DCBLD2: variants seen among roughly 807,000 people sequenced by gnomAD.
The protein encoded by DCBLD2 is discoidin, CUB and LCCL domain containing 2, also known as discoidin, CUB and LCCL domain-containing protein 2.
A neutral mutation model predicts 86.8 loss-of-function variants in DCBLD2; 54 were observed. The ratio of observed to expected loss-of-function variants is 0.62; its 90% CI spans 0.50 to 0.78. The LOEUF (loss-of-function observed/expected upper bound fraction) is 0.78. Among genes scored for constraint, DCBLD2 ranks in the 30% least tolerant of loss-of-function variants. DCBLD2 has a pLI of 0.00. For missense variants in DCBLD2, 908 were observed against 954.2 expected (o/e 0.95, Z 0.64); for synonymous variants, 354 against 341.3 (o/e 1.04, Z -0.41).
At chr3:98,854,502 T>C (rs947661778) in intron 2 of DCBLD2, among the ~76,000 whole-genome samples, 1 of 152,190 alleles carries the variant, frequency 6.6e-6, no homozygotes, top group South Asian at 2.1e-4. Context: ...AAGATAATGA[T>C]AGGAAGGTAT....
chr3:98,797,710 C>G lies in DCBLD2; in HGVS notation c.*1662G>C, dbSNP rs1216447544. 6.6e-6 allele frequency: 1 copy of G among 152,146 alleles called. No individual in the cohort carries two copies. Among genetic ancestry groups the G allele is most frequent in the Non-Finnish European group, 1.5e-5 (1 of 68,016 alleles). The allele number at this position is 152,146 out of a possible 1,614,324, so 9.4% of individuals were successfully genotyped here. On this transcript the variant is annotated 3_prime_UTR_variant, in exon 16 of 16. Transcript: ENST00000326840. ...ATACCACAAAAGGACAGGAAGCCTG[C>G]AGAAATAAACAGTTCTCTTTCTGAA...
intron 3 of DCBLD2, among the ~76,000 whole-genome samples, chr3:98,833,639 G>A (rs1225407281): frequency 1.3e-5 from 2 of 152,204 alleles, no homozygotes; most frequent in Admixed American, 6.5e-5. Flanking sequence ...TGGAGTCCCA[G>A]GTCAGGCAGC....
intron 14 of DCBLD2, 70 bp downstream of exon 14, chr3:98,801,530 T>A: frequency 2.3e-6 from 3 of 1,276,830 alleles, no homozygotes; most frequent in Non-Finnish European, 3.3e-6. Flanking sequence ...GACTCTTTTT[T>A]CACTACTGCC....
intron 1 of DCBLD2, chr3:98,890,322 G>A (rs1182704786): frequency 1.3e-5 from 2 of 152,006 alleles, no homozygotes; most frequent in East Asian, 1.9e-4. Flanking sequence ...AGACTGGAGT[G>A]ATATATTAAA....
At chr3:98,838,907 G>A (rs1202517929) in intron 3 of DCBLD2, among the ~76,000 whole-genome samples, 10 of 151,768 alleles carry the variant, frequency 6.6e-5, no homozygotes, top group Non-Finnish European at 1.0e-4. Flanking sequence ...GTGGCGGCGC[G>A]TGCCTGCAAT....
rs141727051 is a variant in DCBLD2, at chr3:98,864,943, C to A, written c.434-15345G>T. On this transcript the variant is annotated intron_variant, in intron 2 of 15. Transcript: ENST00000326840. ...TATCACCTCATGCTTCCTAGAATGG[C>A]TACTATCAAAAAGACAAAAGTGTTG... 1.9e-4 allele frequency among the ~76,000 whole-genome samples: 29 copies of A among 152,176 alleles called. No homozygotes were observed. The East Asian group carries it at 4.8e-3, about 25-fold the overall frequency.
rs779694733 is a variant in DCBLD2 at position 98,799,620 on chromosome 3, C to A, written c.2080G>T (p.Gly694Cys). ...DMSGHPTTSV[G>C]QPSTSTFKAT... The stretch of plus-strand genomic sequence containing the variant: ...TTGAAAGTGGATGTGGAGGGCTGAC[C>A]AACTGAAGTTGTGGGGTGCCCTGAC... The change falls in exon 16 of 16, where the codon GGT becomes TGT. Residue 694 changes from glycine (G) to cysteine (C), a missense_variant. Coordinates refer to ENST00000326840, the MANE Select transcript of DCBLD2 (RefSeq NM_080927.4). The A allele has an allele frequency of 6.2e-7, 1 of 1,613,860 alleles. No individual in the cohort carries two copies.
intron 2 of DCBLD2, among the ~76,000 whole-genome samples, chr3:98,876,190 A>T (rs1247739186): frequency 1.3e-5 from 2 of 151,946 alleles, no homozygotes; most frequent in East Asian, 3.9e-4. Flanking sequence ...TCCCTAAAAG[A>T]TAATGAGAAG....
intron 3 of DCBLD2, among the ~76,000 whole-genome samples, chr3:98,845,537 C>T (rs946715915): frequency 5.3e-5 from 8 of 152,184 alleles, no homozygotes; most frequent in Non-Finnish European, 1.0e-4. Context: ...AGCCTCTTAA[C>T]GGGCCTCTCT....
chr3:98,856,654 T>C (rs1190527418), intron 2 of DCBLD2, among the ~76,000 whole-genome samples: 2 of 152,026 alleles, frequency 1.3e-5, no homozygotes, highest in Non-Finnish European at 2.9e-5. Flanking sequence ...ATAAAACATC[T>C]TGAAGCATAA....
chr3:98,830,889 T>A (rs1000011822), intron 3 of DCBLD2, among the ~76,000 whole-genome samples: 1 of 152,208 alleles, frequency 6.6e-6, no homozygotes, highest in Non-Finnish European at 1.5e-5. Flanking sequence ...TTTTTCCACT[T>A]GTTTGTGTCA....
chr3:98,898,828 A>G (rs1943795424), intron 1 of DCBLD2, among the ~76,000 whole-genome samples: 1 of 152,208 alleles, frequency 6.6e-6, no homozygotes. Flanking sequence ...CAAATCTCAA[A>G]TAATTGTGAG....
At chr3:98,856,225 T>C (rs1431063926) in intron 2 of DCBLD2, among the ~76,000 whole-genome samples, 5 of 152,106 alleles carry the variant, frequency 3.3e-5, no homozygotes, top group African/African-American at 1.2e-4. Flanking sequence ...GGAGAGTAAG[T>C]TCCCTCCAGT....
intron 3 of DCBLD2, among the ~76,000 whole-genome samples, chr3:98,832,080 T>C (rs369687154): frequency 6.6e-6 from 1 of 152,326 alleles, no homozygotes; most frequent in African/African-American, 2.4e-5. Flanking sequence ...AGCCTAAGTC[T>C]CTTTTTAGGT....
chr3:98,866,263 T>C lies in DCBLD2; in HGVS notation c.433+15277A>G, dbSNP rs553235048. On this transcript the variant is annotated intron_variant, in intron 2 of 15. Transcript: ENST00000326840. ...CTGGGTCAAATGGTATTTCTAGTTC[T>C]AGATCCCTGAGGAATCGCCACACTG... Among the ~76,000 whole-genome samples, 53 of 152,298 alleles carry C rather than the reference T, an allele frequency of 3.5e-4. No individual in the cohort carries two copies. In the South Asian group the frequency reaches 0.01, roughly 29 times the overall value.
intron 2 of DCBLD2, among the ~76,000 whole-genome samples, chr3:98,850,984 A>G (rs1942825744): frequency 6.6e-6 from 1 of 152,226 alleles, no homozygotes; most frequent in Admixed American, 6.5e-5. Flanking sequence ...CCCACAGCCA[A>G]TATCATACTG....
At chr3:98,820,025 C>T (rs569170858) in intron 7 of DCBLD2, among the ~76,000 whole-genome samples, 2 of 152,288 alleles carry the variant, frequency 1.3e-5, no homozygotes, top group South Asian at 4.1e-4. Context: ...GTTCAAAAGT[C>T]ATCTTTCTTA....
intron 9 of DCBLD2, 106 bp downstream of exon 9, chr3:98,817,663 T>A (rs1041521605): frequency 2.8e-5 from 31 of 1,101,716 alleles, no homozygotes; most frequent in Non-Finnish European, 5.2e-6. Context: ...GAGGGTAGTA[T>A]AAGACATTCT....
At chr3:98,814,809 C>T (rs1183823301) in intron 9 of DCBLD2, 3 of 152,132 alleles carry the variant, frequency 2.0e-5, no homozygotes, top group Non-Finnish European at 4.4e-5. Flanking sequence ...GCATTTCTGA[C>T]CATAAGAGTA....
Sources: allele counts gnomAD v4.1 joint callset (sites outside exome capture counted in the v4.1 genomes callset), GRCh38; gene constraint gnomAD v4.1.1; transcripts MANE v1.5; gene names NCBI Gene and HGNC (gene_info 2026-07-23, HGNC 2026-07-21).